The following DIS3L2 variants were observed in gnomAD, a reference collection of about 807,000 sequenced individuals.
DIS3L2 encodes DIS3-like exonuclease 2.
Under a neutral mutation model 97.5 loss-of-function variants are expected in DIS3L2, and 34 were observed. The observed-to-expected ratio is 0.35, with a 90% CI of 0.27 to 0.46. The LOEUF is 0.46. Ranked by LOEUF, DIS3L2 falls within the 20% of genes least tolerant of loss-of-function variation. The probability of loss-of-function intolerance (pLI) is 1.00; values close to 1 mark genes in which losing one functional copy is unlikely to be tolerated. For missense variants in DIS3L2, 1,038 were observed against 1,146.0 expected, an observed-to-expected ratio of 0.91 and a Z score of 1.36; for synonymous variants, 435 against 445.2, an observed-to-expected ratio of 0.98 and a Z score of 0.29.
chr2:232,050,154 T>C (rs1695359297), intron 5 of DIS3L2, among the ~76,000 whole-genome samples: 1 of 152,212 alleles, frequency 6.6e-6, no homozygotes, highest in African/African-American at 2.4e-5. Context: ...TTTAAGACCA[T>C]TGATTTCCCT....
At chr2:232,004,077 A>G (rs540154504) in intron 1 of DIS3L2, among the ~76,000 whole-genome samples, 1 of 151,238 alleles carries the variant, frequency 6.6e-6, no homozygotes, top group Non-Finnish European at 1.5e-5. Flanking sequence ...CCCCTTATTT[A>G]TTTGTTTTTT....
intron 9 of DIS3L2, among the ~76,000 whole-genome samples, chr2:232,195,261 T>G (rs1382198508): frequency 1.3e-5 from 2 of 152,204 alleles, no homozygotes; most frequent in Non-Finnish European, 2.9e-5. Context: ...TTTGAGACAC[T>G]GTAACAGCCC....
At chr2:232,069,341 A>G (rs766016964) in intron 5 of DIS3L2, among the ~76,000 whole-genome samples, 1 of 152,220 alleles carries the variant, frequency 6.6e-6, no homozygotes, top group Non-Finnish European at 1.5e-5. Flanking sequence ...AAGGGGAATA[A>G]TCTTTCATTC....
At chr2:231,966,254 C>G (rs1313511477) in intron 1 of DIS3L2, among the ~76,000 whole-genome samples, 2 of 150,956 alleles carry the variant, frequency 1.3e-5, no homozygotes, top group Non-Finnish European at 2.9e-5. Flanking sequence ...CTGCAACCTC[C>G]GCCTTGTGGG....
intron 4 of DIS3L2, among the ~76,000 whole-genome samples, chr2:232,028,178 A>G (rs1162944777): frequency 6.6e-6 from 1 of 151,256 alleles, no homozygotes; most frequent in Non-Finnish European, 1.5e-5. Context: ...CCACATGCCC[A>G]CCTCCCAATT....
chr2:232,015,365 C>G, intron 2 of DIS3L2, 149 bp from the exon 3 acceptor site: 3 of 1,082,012 alleles, frequency 2.8e-6, no homozygotes, highest in Non-Finnish European at 3.9e-6. Flanking sequence ...GCCACTCTTT[C>G]CTTTTTGTTA....
Position 232,343,543 on chromosome 2 carries a change from G to A in DIS3L2, c.1780G>A (p.Val594Ile). The change falls in exon 14 of 14, where the codon GTA (valine) becomes ATA (isoleucine). Residue 594 changes from valine (V) to isoleucine (I), a missense_variant. Physicochemically the swap from Val to Ile is conservative, Grantham distance 29. Coordinates refer to the DIS3L2 transcript ENST00000273009. ...AGCAAAGCCCCAAAACACGATAAGA[G>A]TAGAGGAGCAGACAACCCAGTTGCA... 1 of 1,566,358 alleles carries A rather than the reference G, an allele frequency of 6.4e-7. No individual in the cohort carries two copies. Among genetic ancestry groups the A allele is most frequent in the South Asian group, 1.2e-5 (1 of 85,128 alleles).
rs1168617225 is a variant in DIS3L2, at chr2:232,292,964, C to T, written c.1660-7076C>T. ...AAAGGATTGGGTAGTGGTGAGCTCT[C>T]CTGCTTGACATGGCAGCTGCCTCTG... On this transcript the variant is annotated intron_variant, in intron 13 of 20. Transcript: ENST00000325385. The surrounding 1 kb of genome is among the most constrained non-coding windows in gnomAD (Gnocchi z 4.4). 6.6e-6 allele frequency among the ~76,000 whole-genome samples: 1 copy of T among 152,104 alleles called. No homozygotes were observed. The highest frequency in any genetic ancestry group is 2.4e-5 in the African/African-American group (1 of 41,394).
chr2:231,981,480 A>G (rs1693253941), intron 1 of DIS3L2, among the ~76,000 whole-genome samples: 1 of 150,338 alleles, frequency 6.7e-6, no homozygotes, highest in African/African-American at 2.4e-5. Context: ...TCCAATATTT[A>G]TTCCTCTTCC....
chr2:232,249,456 G>A, intron 12 of DIS3L2, 110 bp downstream of exon 12: 1 of 1,157,266 alleles, frequency 8.6e-7, no homozygotes, highest in Non-Finnish European at 1.2e-6. Context: ...GGTAAGACAA[G>A]GGAGGTATGG....
intron 5 of DIS3L2, among the ~76,000 whole-genome samples, chr2:232,058,860 A>C (rs535029104): frequency 6.6e-6 from 1 of 152,362 alleles, no homozygotes; most frequent in East Asian, 1.9e-4. Context: ...TTGCAGAATT[A>C]AATGTAACAA....
chr2:232,301,835 CTTTTT>C (rs557282669), intron 14 of DIS3L2, among the ~76,000 whole-genome samples: 1 of 105,486 alleles, frequency 9.5e-6, no homozygotes, highest in Non-Finnish European at 1.9e-5. Flanking sequence ...TAGCCTAGCT[CTTTTT>C]TTTTTTTTTT....
At chr2:232,036,887 C>T (rs765117809) in intron 5 of DIS3L2, among the ~76,000 whole-genome samples, 13 of 152,220 alleles carry the variant, frequency 8.5e-5, no homozygotes, top group Non-Finnish European at 1.6e-4. Flanking sequence ...CTCCTCCTTC[C>T]TCTGGAAGCT....
At chr2:232,107,236 GAGA>G (rs1276045730) in intron 6 of DIS3L2, among the ~76,000 whole-genome samples, 9 of 152,156 alleles carry the variant, frequency 5.9e-5, no homozygotes, top group Admixed American at 5.9e-4. Flanking sequence ...GCTAGCAGAA[GAGA>G]AGAAATAACC....
intron 9 of DIS3L2, among the ~76,000 whole-genome samples, chr2:232,167,774 G>T (rs150422812): frequency 8.6e-4 from 131 of 152,254 alleles, no homozygotes; most frequent in African/African-American, 3.1e-3. Flanking sequence ...ATTCAGCCAG[G>T]CACATTGGCT....
intron 5 of DIS3L2, among the ~76,000 whole-genome samples, chr2:232,030,980 T>G (rs997271338): frequency 1.3e-5 from 2 of 152,160 alleles, no homozygotes; most frequent in African/African-American, 4.8e-5. Flanking sequence ...TGACTAAAAG[T>G]ATGGGCTTTT....
In DIS3L2 at chr2:232,008,727, C is replaced by A. The variant is rs1474858071; in HGVS notation, c.-93-6108C>A. Among the ~76,000 whole-genome samples the A allele has an allele frequency of 2.0e-5, 3 of 152,166 alleles. No homozygotes were observed. The East Asian group carries it at 5.8e-4, about 29-fold the overall frequency. ...GAGGATCGGCAAAACTTGAATTTTC[C>A]CCTGGTGCCAAAGGCAAGGCACATG... On this transcript the variant is annotated intron_variant, in intron 1 of 20. Coordinates refer to ENST00000325385, the MANE Select transcript of DIS3L2 (RefSeq NM_152383.5).
intron 6 of DIS3L2, among the ~76,000 whole-genome samples, chr2:232,109,427 C>T (rs1469416493): frequency 2.0e-5 from 3 of 151,500 alleles, no homozygotes; most frequent in Non-Finnish European, 4.4e-5. Context: ...GGCGACAGAG[C>T]GAGACTCAGT....
downstream of DIS3L2, among the ~76,000 whole-genome samples, chr2:232,337,365 G>A (rs1463116731): frequency 6.6e-6 from 1 of 152,134 alleles, no homozygotes; most frequent in Non-Finnish European, 1.5e-5. Context: ...GTGAGGTCCT[G>A]TGCCCAGCTC....
Sources: allele counts gnomAD v4.1 joint callset (sites outside exome capture counted in the v4.1 genomes callset), GRCh38; gene constraint gnomAD v4.1.1; non-coding constraint Gnocchi (gnomAD v3.1); transcripts MANE v1.5; gene names NCBI Gene and HGNC (gene_info 2026-07-23, HGNC 2026-07-21).